AKT3: variants seen among roughly 807,000 people sequenced by gnomAD.
The protein encoded by AKT3 is RAC-gamma serine/threonine-protein kinase.
In AKT3, 15 loss-of-function variants were observed where a neutral mutation model predicts 65.3. The observed-to-expected ratio is 0.23, with a 90% CI of 0.15 to 0.35. The LOEUF is 0.35. Among genes scored for constraint, AKT3 ranks in the 10% least tolerant of loss-of-function variants. The pLI, the probability that AKT3 is intolerant of heterozygous loss-of-function variation, is 1.00. For synonymous variants in AKT3, 206 were observed against 183.8 expected (o/e 1.12, Z -0.98); for missense variants, 243 against 576.5 (o/e 0.42, Z 5.92).
At chr1:243,542,283 A>G (rs912535210) in intron 12 of AKT3, among the ~76,000 whole-genome samples, 2 of 152,236 alleles carry the variant, frequency 1.3e-5, no homozygotes, top group Non-Finnish European at 2.9e-5. Context: ...CTTTTGCATG[A>G]GTAAATGACC....
chr1:243,537,397 T>G (rs941242431), intron 12 of AKT3, among the ~76,000 whole-genome samples: 3 of 152,144 alleles, frequency 2.0e-5, no homozygotes, highest in Admixed American at 6.6e-5. Context: ...CTATCTGAAA[T>G]TAATTACCAA....
chr1:243,611,137 T>G, intron 8 of AKT3, among the ~76,000 whole-genome samples: 1 of 152,158 alleles, frequency 6.6e-6, no homozygotes, highest in East Asian at 1.9e-4. Context: ...CCCCATAACT[T>G]AAATTATAAT....
At chr1:243,785,780 T>G (rs1289645593) in intron 2 of AKT3, among the ~76,000 whole-genome samples, 1 of 152,192 alleles carries the variant, frequency 6.6e-6, no homozygotes, top group African/African-American at 2.4e-5. Context: ...TATTCTTACA[T>G]GGAGTCAGCT....
At chr1:243,707,337 T>C (rs570655739) in intron 2 of AKT3, among the ~76,000 whole-genome samples, 1 of 152,334 alleles carries the variant, frequency 6.6e-6, no homozygotes, top group East Asian at 1.9e-4. Flanking sequence ...ATTTTTGTTA[T>C]TCACTTTGCT....
intron 12 of AKT3, among the ~76,000 whole-genome samples, chr1:243,516,117 T>A (rs1428380440): frequency 6.6e-6 from 1 of 152,236 alleles, no homozygotes; most frequent in Non-Finnish European, 1.5e-5. Context: ...TTTGGTAGAC[T>A]TCGTTGGTGA....
intron 5 of AKT3, 38 bp from the exon 6 acceptor site, chr1:243,637,780 T>C (rs1680082730): frequency 7.1e-7 from 1 of 1,399,144 alleles, no homozygotes; most frequent in Admixed American, 2.1e-5. Context: ...TATGAAGTAT[T>C]TGATGCAATT....
intron 2 of AKT3, among the ~76,000 whole-genome samples, chr1:243,707,830 T>C (rs182706515): frequency 3.3e-5 from 5 of 152,258 alleles, no homozygotes; most frequent in South Asian, 2.1e-4. Context: ...CGTATGCTTT[T>C]ATAAGTGCAC....
intron 4 of AKT3, among the ~76,000 whole-genome samples, chr1:243,651,324 T>A (rs770262821): frequency 6.6e-6 from 1 of 152,308 alleles, no homozygotes; most frequent in Non-Finnish European, 1.5e-5. Context: ...AAACATACGA[T>A]CATGTCATCT....
At chr1:243,790,275 T>G (rs1385524970) in intron 2 of AKT3, among the ~76,000 whole-genome samples, 1 of 152,228 alleles carries the variant, frequency 6.6e-6, no homozygotes, top group African/African-American at 2.4e-5. Context: ...GTAACCACCT[T>G]CATCAATGAT....
chr1:243,769,127 C>T (rs1013788562), intron 2 of AKT3, among the ~76,000 whole-genome samples: 4 of 151,996 alleles, frequency 2.6e-5, no homozygotes, highest in Non-Finnish European at 5.9e-5. Flanking sequence ...GTTTTTTTCA[C>T]TTAGCCGAGC....
At chr1:243,668,846 A>C (rs955950641) in intron 3 of AKT3, among the ~76,000 whole-genome samples, 2 of 152,212 alleles carry the variant, frequency 1.3e-5, no homozygotes, top group Non-Finnish European at 2.9e-5. Context: ...GGTATGGAGG[A>C]AAGTGAGAAC....
intron 8 of AKT3, among the ~76,000 whole-genome samples, chr1:243,582,828 A>C (rs1032264896): frequency 2.6e-5 from 4 of 152,172 alleles, no homozygotes; most frequent in Admixed American, 6.5e-5. Flanking sequence ...TTGGATAAAA[A>C]AACAAGACTC....
intron 2 of AKT3, among the ~76,000 whole-genome samples, chr1:243,767,541 C>T (rs1272676129): frequency 6.6e-6 from 1 of 151,770 alleles, no homozygotes; most frequent in Admixed American, 6.6e-5. Context: ...AGTATTTCCA[C>T]TAATAGATAA....
chr1:243,734,338 T>C (rs1687723743), intron 2 of AKT3, among the ~76,000 whole-genome samples: 1 of 152,212 alleles, frequency 6.6e-6, no homozygotes, highest in Admixed American at 6.5e-5. Context: ...CATTACTCCA[T>C]TACAGTCATG....
At chr1:243,750,583 CTTT>C (rs1366859334) in intron 2 of AKT3, among the ~76,000 whole-genome samples, 7 of 140,444 alleles carry the variant, frequency 5.0e-5, no homozygotes, top group Non-Finnish European at 4.7e-5. Flanking sequence ...TAAGGCTAAT[CTTT>C]TTTTTTTTTT....
chr1:243,633,134 C>T (rs1288941936), intron 6 of AKT3, among the ~76,000 whole-genome samples: 1 of 152,132 alleles, frequency 6.6e-6, no homozygotes, highest in African/African-American at 2.4e-5. Flanking sequence ...AAAACTAAAG[C>T]AAGAATCCAG....
At chr1:243,515,604 T>C (rs1670300459) in intron 12 of AKT3, among the ~76,000 whole-genome samples, 1 of 152,260 alleles carries the variant, frequency 6.6e-6, no homozygotes, top group Non-Finnish European at 1.5e-5. Context: ...AGTGATTCTT[T>C]GTATCTATTG....
At chr1:243,493,242 A>C in intron 13 of AKT3, among the ~76,000 whole-genome samples, 1 of 20,234 alleles carries the variant, frequency 4.9e-5, no homozygotes. Context: ...GGGGAGGGGG[A>C]TTCGGGGTGA....
At chr1:243,849,047 C>T (rs1369904790) in intron 1 of AKT3, among the ~76,000 whole-genome samples, 1 of 152,222 alleles carries the variant, frequency 6.6e-6, no homozygotes, top group Non-Finnish European at 1.5e-5. Flanking sequence ...TCTAGGCTAA[C>T]TGTAGATTCC....
Sources: gnomAD v4.1 joint callset for allele counts (sites outside exome capture counted in the v4.1 genomes callset) on GRCh38, gnomAD v4.1.1 for gene constraint, MANE v1.5 for transcripts, NCBI Gene and HGNC (gene_info 2026-07-23, HGNC 2026-07-21) for gene names.